CACNB2: variants seen among roughly 807,000 people sequenced by gnomAD.
The protein encoded by CACNB2 is voltage-dependent L-type calcium channel subunit beta-2.
In CACNB2, 42 loss-of-function variants were observed where a neutral mutation model predicts 73.3. The ratio of observed to expected loss-of-function variants is 0.57; its 90% confidence interval spans 0.45 to 0.74. The LOEUF (loss-of-function observed/expected upper bound fraction) is 0.74, where lower values mean the gene tolerates loss of function less well. CACNB2 is among the 30% of genes least tolerant of loss of function. CACNB2 has a pLI of 0.00. For synonymous variants in CACNB2, 348 were observed against 310.3 expected, an observed-to-expected ratio of 1.12 and a Z score of -1.28; for missense variants, 940 against 853.0, an observed-to-expected ratio of 1.10 and a Z score of -1.27.
At chr10:18,231,202 C>T (rs530712820) in intron 2 of CACNB2, among the ~76,000 whole-genome samples, 2 of 152,184 alleles carry the variant, frequency 1.3e-5, no homozygotes, top group African/African-American at 2.4e-5. Flanking sequence ...TTTGAGACAG[C>T]GTTTTGCTCT....
At position 18,307,983 on chromosome 10, in the gene CACNB2, C is replaced by CATTTTTTTT. The variant is rs1356604464; in HGVS notation, c.214-93941_214-93940insATTTTTTTT. 2.6e-3 allele frequency among the ~76,000 whole-genome samples: 186 copies of CATTTTTTTT among 70,232 alleles called. 18 individuals are homozygous for CATTTTTTTT. Among genetic ancestry groups the CATTTTTTTT allele is most frequent in the African/African-American group, 0.01 (170 of 16,750 alleles). 46.1% of individuals were successfully genotyped at this position (70,232 alleles called of 152,430 possible). ...TTAAGTCTAAAATAATATATGCCAA[C>CATTTTTTTT]TTTTTTTTTTTTTTTTTTTTTTTTT... On this transcript the variant is annotated intron_variant, in intron 2 of 13. Transcript: ENST00000324631.
rs371726801 is a variant in CACNB2 at position 18,387,762 on chromosome 10, T to C, written c.214-14162T>C. 1.3e-3 allele frequency among the ~76,000 whole-genome samples: 191 copies of C among 142,524 alleles called. No homozygotes were observed. The East Asian group carries it at 0.02, about 15-fold the overall frequency. The allele number at this position is 142,524 out of a possible 152,430, so 93.5% of individuals were successfully genotyped here. On this transcript the variant is annotated intron_variant, in intron 2 of 13. Transcript: ENST00000324631. ...GTCACCGAGCCATTTCTTTCTCTCT[T>C]TTTTTTTTTTTAGCGACAGGCTCTC...
intron 3 of CACNB2, among the ~76,000 whole-genome samples, chr10:18,431,833 C>A (rs929300129): frequency 6.6e-6 from 1 of 151,948 alleles, no homozygotes; most frequent in African/African-American, 2.4e-5. Context: ...GGCGTGATCT[C>A]AGCTTACTAC....
intron 2 of CACNB2, among the ~76,000 whole-genome samples, chr10:18,345,462 A>G (rs1016080079): frequency 6.6e-6 from 1 of 152,172 alleles, no homozygotes; most frequent in African/African-American, 2.4e-5. Context: ...GGCTTCCTGC[A>G]TTTAGATTAA....
intron 2 of CACNB2, among the ~76,000 whole-genome samples, chr10:18,267,101 G>A (rs1470834487): frequency 4.6e-5 from 7 of 151,896 alleles, no homozygotes; most frequent in African/African-American, 1.7e-4. Context: ...GTCCTTTAAG[G>A]GTGATATTTG....
chr10:18,381,874 G>C (rs1475198654), intron 2 of CACNB2, among the ~76,000 whole-genome samples: 2 of 151,884 alleles, frequency 1.3e-5, no homozygotes, highest in African/African-American at 4.9e-5. Flanking sequence ...CTCACCCAGA[G>C]CACCAAAACC....
chr10:18,176,892 G>C (rs995213766), intron 2 of CACNB2, among the ~76,000 whole-genome samples: 1 of 151,956 alleles, frequency 6.6e-6, no homozygotes, highest in Non-Finnish European at 1.5e-5. Context: ...CGGGGAATGA[G>C]TGAAGATAAG....
At position 18,408,938 on chromosome 10, in the gene CACNB2, G is replaced by A. The variant is rs1367544156; in HGVS notation, c.333+6895G>A. 5.3e-5 allele frequency among the ~76,000 whole-genome samples: 8 copies of A among 152,120 alleles called. No homozygotes were observed. In the East Asian group the frequency reaches 1.2e-3, roughly 22 times the overall value. ...CATGATTACTGCTTACTGCATCCTC[G>A]AGCTCCTGGGCTCAAGTGATCCTCC... On this transcript the variant is annotated intron_variant, in intron 3 of 13. Transcript: ENST00000324631.
chr10:18,177,335 A>G (rs138880178), intron 2 of CACNB2, among the ~76,000 whole-genome samples: 17 of 152,104 alleles, frequency 1.1e-4, no homozygotes, highest in African/African-American at 3.9e-4. Flanking sequence ...TAACCAAGAA[A>G]GAGGCTGGGC....
chr10:18,483,720 C>T (rs961857736), intron 3 of CACNB2, among the ~76,000 whole-genome samples: 1 of 152,108 alleles, frequency 6.6e-6, no homozygotes, highest in African/African-American at 2.4e-5. Context: ...TGTGTCTCCC[C>T]GTGCTTGTCA....
intron 9 of CACNB2, chr10:18,520,058 T>C (rs1197544699): frequency 2.7e-5 from 6 of 226,096 alleles, no homozygotes; most frequent in Non-Finnish European, 4.4e-5. Flanking sequence ...CTAAGCTCTA[T>C]GATGTCTTTT....
chr10:18,442,449 C>G (rs901841116), intron 3 of CACNB2, among the ~76,000 whole-genome samples: 1 of 151,984 alleles, frequency 6.6e-6, no homozygotes, highest in Non-Finnish European at 1.5e-5. Context: ...CACGCCTGGC[C>G]GAATCTGGTT....
intron 3 of CACNB2, among the ~76,000 whole-genome samples, chr10:18,453,435 C>T (rs557069765): frequency 3.3e-4 from 50 of 152,308 alleles, no homozygotes; most frequent in Middle Eastern, 3.4e-3. Flanking sequence ...GGCCTGCTCC[C>T]TTGAGCTCTT....
At chr10:18,152,472 G>A (rs116013232) in intron 2 of CACNB2, among the ~76,000 whole-genome samples, 1,530 of 152,186 alleles carry the variant, frequency 0.01, 26 homozygotes, top group African/African-American at 0.035. Flanking sequence ...TGTCAGAGGA[G>A]TGGAAGGTGT....
chr10:18,285,020 G>A (rs2038725739), intron 2 of CACNB2, among the ~76,000 whole-genome samples: 3 of 152,148 alleles, frequency 2.0e-5, no homozygotes, highest in Admixed American at 2.0e-4. Flanking sequence ...AAATGTATTG[G>A]AGACGTAAGT....
chr10:18,302,487 A>G (rs1372272548), intron 2 of CACNB2, among the ~76,000 whole-genome samples: 3 of 152,260 alleles, frequency 2.0e-5, no homozygotes, highest in Admixed American at 2.0e-4. Flanking sequence ...AAACTGTGCG[A>G]TATGTACGCA....
chr10:18,510,189 G>T (rs778801388), intron 6 of CACNB2, among the ~76,000 whole-genome samples: 1 of 152,274 alleles, frequency 6.6e-6, no homozygotes, highest in Non-Finnish European at 1.5e-5. Context: ...TTCTCAATTT[G>T]GGATATCCAG....
At chr10:18,524,889 G>T (rs973691474) in intron 9 of CACNB2, among the ~76,000 whole-genome samples, 3 of 150,620 alleles carry the variant, frequency 2.0e-5, no homozygotes, top group Admixed American at 1.3e-4. Context: ...AATTAGCTAG[G>T]TGTGGTGGCA....
intron 2 of CACNB2, among the ~76,000 whole-genome samples, chr10:18,254,981 C>T (rs2131569700): frequency 6.6e-6 from 1 of 152,244 alleles, no homozygotes; most frequent in South Asian, 2.1e-4. Context: ...CCTTATCTCC[C>T]ATCTTCAGCT....
Sources: gnomAD v4.1 joint callset for allele counts (sites outside exome capture counted in the v4.1 genomes callset) on GRCh38, gnomAD v4.1.1 for gene constraint, MANE v1.5 for transcripts, NCBI Gene and HGNC (gene_info 2026-07-23, HGNC 2026-07-21) for gene names.